PAQR5: variants seen among roughly 807,000 people sequenced by gnomAD.
The protein encoded by PAQR5 is progestin and adipoQ receptor family member 5, also known as membrane progestin receptor gamma.
PAQR5 carries 20 observed loss-of-function variants against 34.5 expected under a neutral mutation model. That is an observed-to-expected ratio of 0.58 (90% confidence interval 0.41 to 0.84). PAQR5 has a LOEUF of 0.84. PAQR5 is among the 40% of genes least tolerant of loss of function. PAQR5 has a pLI of 0.00. For missense variants in PAQR5, 378 were observed against 412.7 expected (o/e 0.92, Z 0.73); for synonymous variants, 131 against 155.6 (o/e 0.84, Z 1.18).
chr15:69,332,342 CTGGATG>C (rs2054400504), intron 1 of PAQR5, among the ~76,000 whole-genome samples: 1 of 152,174 alleles, frequency 6.6e-6, no homozygotes, highest in Non-Finnish European at 1.5e-5. Flanking sequence ...GAAACCAATA[CTGGATG>C]AAATTTCTCT....
chr15:69,309,628 G>A (rs987864361), intron 1 of PAQR5, among the ~76,000 whole-genome samples: 1 of 152,082 alleles, frequency 6.6e-6, no homozygotes, highest in African/African-American at 2.4e-5. Context: ...CCAGTTCCAC[G>A]CATGTGTTAG....
intron 2 of PAQR5, among the ~76,000 whole-genome samples, chr15:69,355,572 C>T (rs1595888737): frequency 6.6e-6 from 1 of 151,870 alleles, no homozygotes. Flanking sequence ...AGGCATTCGC[C>T]ACCACGCCCA....
At chr15:69,329,242 C>A (rs1197882510) in intron 1 of PAQR5, among the ~76,000 whole-genome samples, 1 of 152,086 alleles carries the variant, frequency 6.6e-6, no homozygotes, top group Non-Finnish European at 1.5e-5. Flanking sequence ...CATAATTTAA[C>A]CTATAATTTG....
intron 6 of PAQR5, among the ~76,000 whole-genome samples, chr15:69,392,917 G>C (rs1402587841): frequency 6.6e-6 from 1 of 152,090 alleles, no homozygotes; most frequent in African/African-American, 2.4e-5. Context: ...AGATGGAGGA[G>C]AGCAGCTACA....
intron 2 of PAQR5, 166 bp from the exon 3 acceptor site, chr15:69,359,800 G>T (rs2055185587): frequency 1.4e-5 from 5 of 367,492 alleles, no homozygotes; most frequent in Non-Finnish European, 2.5e-5. Context: ...AGCACTCTTG[G>T]AGTGGATGAC....
chr15:69,329,500 C>T (rs1391289141), intron 1 of PAQR5, among the ~76,000 whole-genome samples: 1 of 122,546 alleles, frequency 8.2e-6, no homozygotes, highest in African/African-American at 3.3e-5. Context: ...GAGAGAGAGC[C>T]TTGCTCTGTC....
chr15:69,403,761 T>C lies in PAQR5; in HGVS notation c.932T>C (p.Ile311Thr). ...ATCATCTTCAGCCTCAGCAACATAA[T>C]TTATTTCTCAGCTGCTCTGTATCGG... ...LCIIFSLSNI[I>T]YFSAALYRIP... Residue 311 changes from isoleucine (I) to threonine (T), a missense_variant, in exon 9 of 9, where the codon ATT (isoleucine) becomes ACT (threonine). Ile to Thr is a moderately conservative substitution (Grantham distance 89). Coordinates refer to ENST00000395407, the MANE Select transcript of PAQR5 (RefSeq NM_017705.4). 6.2e-7 allele frequency: 1 copy of C among 1,614,106 alleles called. No individual in the cohort carries two copies. Among genetic ancestry groups the C allele is most frequent in the Non-Finnish European group, 8.5e-7 (1 of 1,179,978 alleles).
chr15:69,350,460 T>G (rs112584170), intron 2 of PAQR5, among the ~76,000 whole-genome samples: 5,095 of 152,092 alleles, frequency 0.033, 165 homozygotes, highest in East Asian at 0.12. Flanking sequence ...CTGGCCAACA[T>G]GGTGAAACGC....
At chr15:69,338,790 C>T (rs2054569433) in intron 2 of PAQR5, among the ~76,000 whole-genome samples, 1 of 152,208 alleles carries the variant, frequency 6.6e-6, no homozygotes, top group Non-Finnish European at 1.5e-5. Flanking sequence ...CATTTCTGGG[C>T]ATAGGCTGAT....
At position 69,389,471 on chromosome 15, in the gene PAQR5, G is replaced by GAA. The variant is rs147271485; in HGVS notation, c.386-182_386-181insAA. Among the ~76,000 whole-genome samples the GAA allele has an allele frequency of 2.4e-3, 362 of 152,332 alleles. 1 individual carries two copies. Among genetic ancestry groups the GAA allele is most frequent in the Non-Finnish European group, 4.4e-3 (299 of 68,034 alleles). ...GGCTCACAGTAAATTCTCAGGATGG[G>GAA]ATTTGGGTGGGCAGAGAAGAGAAAG... On this transcript the variant is annotated intron_variant, in intron 5 of 8. Coordinates refer to ENST00000395407, the MANE Select transcript of PAQR5 (RefSeq NM_017705.4).
chr15:69,362,032 T>G (rs2055248276), intron 3 of PAQR5, among the ~76,000 whole-genome samples: 1 of 151,968 alleles, frequency 6.6e-6, no homozygotes, highest in Non-Finnish European at 1.5e-5. Context: ...GACATTTTGG[T>G]CAGGGTTGGA....
intron 3 of PAQR5, among the ~76,000 whole-genome samples, chr15:69,372,767 TC>T (rs1446339624): frequency 6.6e-6 from 1 of 152,250 alleles, no homozygotes; most frequent in Admixed American, 6.5e-5. Flanking sequence ...CCCAATCACT[TC>T]TCCTAGTAAG....
chr15:69,341,165 T>G (rs2054630636), intron 2 of PAQR5, among the ~76,000 whole-genome samples: 1 of 150,924 alleles, frequency 6.6e-6, no homozygotes, highest in African/African-American at 2.4e-5. Flanking sequence ...AAACACTAAT[T>G]CCCCATCCCC....
rs2056740201 is a variant in PAQR5, at chr15:69,405,490, G to A, written c.*1668G>A. 6.6e-6 allele frequency: 1 copy of A among 152,344 alleles called. No individual in the cohort carries two copies. The highest frequency in any genetic ancestry group is 2.4e-5 in the African/African-American group (1 of 41,444). 9.4% of individuals were successfully genotyped at this position (152,344 alleles called of 1,614,324 possible). ...AATTATATGGGCTGGTAAATTTTTGGTACATTAATTGCAAGCTGCATGACA... is the reference window on the plus strand; with the variant it reads ...AATTATATGGGCTGGTAAATTTTTGATACATTAATTGCAAGCTGCATGACA... On this transcript the variant is annotated 3_prime_UTR_variant, in exon 9 of 9. Coordinates refer to ENST00000395407, the MANE Select transcript of PAQR5 (RefSeq NM_017705.4).
At position 69,406,683 on chromosome 15, in the gene PAQR5, A is replaced by G. The variant is rs1363713851; in HGVS notation, c.*2861A>G. The G allele has an allele frequency of 6.6e-6, 1 of 152,224 alleles. No individual in the cohort carries two copies. Among genetic ancestry groups the G allele is most frequent in the African/African-American group, 2.4e-5 (1 of 41,454 alleles). The allele number at this position is 152,224 out of a possible 1,614,324, so 9.4% of individuals were successfully genotyped here. ...CAAGAATTCAGGACCAGTCTGGGCAACAGAGCCAGACACTGTCTCTATAAA... is the reference window on the plus strand; with the variant it reads ...CAAGAATTCAGGACCAGTCTGGGCAGCAGAGCCAGACACTGTCTCTATAAA... On this transcript the variant is annotated 3_prime_UTR_variant, in exon 9 of 9. Transcript: ENST00000395407.
At chr15:69,355,836 T>C (rs2055064200) in intron 2 of PAQR5, among the ~76,000 whole-genome samples, 1 of 152,144 alleles carries the variant, frequency 6.6e-6, no homozygotes, top group South Asian at 2.1e-4. Context: ...ACTACTCCCC[T>C]CTATTCTGCG....
intron 1 of PAQR5, among the ~76,000 whole-genome samples, chr15:69,331,952 T>C (rs1222139496): frequency 1.3e-5 from 2 of 152,142 alleles, no homozygotes; most frequent in African/African-American, 4.8e-5. Context: ...CTCACAGCTA[T>C]AGCACAAGCG....
At chr15:69,377,805 C>G (rs1055023616) in intron 3 of PAQR5, among the ~76,000 whole-genome samples, 2 of 152,150 alleles carry the variant, frequency 1.3e-5, no homozygotes, top group Non-Finnish European at 2.9e-5. Context: ...CTGCACTGTT[C>G]CATGTGACTG....
intron 1 of PAQR5, among the ~76,000 whole-genome samples, chr15:69,336,278 C>A (rs1192563944): frequency 6.6e-6 from 1 of 152,086 alleles, no homozygotes; most frequent in African/African-American, 2.4e-5. Context: ...AATTATATCT[C>A]TTTCTAACCT....
Sources: gnomAD v4.1 joint callset for allele counts (sites outside exome capture counted in the v4.1 genomes callset) on GRCh38, gnomAD v4.1.1 for gene constraint, MANE v1.5 for transcripts, NCBI Gene and HGNC (gene_info 2026-07-23, HGNC 2026-07-21) for gene names.